TIAM1: variants seen among roughly 807,000 people sequenced by gnomAD.
TIAM1 encodes TIAM Rac1 associated GEF 1, also known as rho guanine nucleotide exchange factor TIAM1.
In TIAM1, 65 loss-of-function variants were observed where a neutral mutation model predicts 163.5. That is an observed-to-expected ratio of 0.40 (90% CI 0.33 to 0.49). The LOEUF (loss-of-function observed/expected upper bound fraction) is 0.49. Among genes scored for constraint, TIAM1 ranks in the 20% least tolerant of loss-of-function variants. TIAM1 has a pLI of 0.77. For synonymous variants in TIAM1, 833 were observed against 810.1 expected (o/e 1.03, Z -0.48); for missense variants, 1,789 against 2,044.7 (o/e 0.87, Z 2.41).
chr21:31,171,321 T>C (rs1009644766), intron 15 of TIAM1, among the ~76,000 whole-genome samples: 2 of 152,228 alleles, frequency 1.3e-5, no homozygotes, highest in African/African-American at 4.8e-5. Context: ...GAGAGAGAGA[T>C]TTCTTAAACA....
intron 1 of TIAM1, among the ~76,000 whole-genome samples, chr21:31,537,167 G>C (rs2048163468): frequency 6.6e-6 from 1 of 152,146 alleles, no homozygotes; most frequent in Non-Finnish European, 1.5e-5. Flanking sequence ...AATCCAGTAG[G>C]ACCCCTTCTT....
intron 13 of TIAM1, among the ~76,000 whole-genome samples, chr21:31,194,458 A>C (rs924821732): frequency 6.6e-6 from 1 of 152,228 alleles, no homozygotes. Context: ...CTCAAAATTT[A>C]TAGTTTTCGG....
At chr21:31,427,083 G>A (rs1261822687) in intron 2 of TIAM1, among the ~76,000 whole-genome samples, 1 of 152,032 alleles carries the variant, frequency 6.6e-6, no homozygotes, top group Non-Finnish European at 1.5e-5. Context: ...ACCATGCCTG[G>A]CTCATGTCTT....
chr21:31,459,698 C>A (rs2045251309), intron 2 of TIAM1, among the ~76,000 whole-genome samples: 1 of 152,212 alleles, frequency 6.6e-6, no homozygotes, highest in Non-Finnish European at 1.5e-5. Flanking sequence ...ATTTTACCAT[C>A]AGGGGGTGGT....
At chr21:31,147,055 A>G (rs1440972628) in intron 19 of TIAM1, 52 bp from the exon 20 acceptor site, 5 of 1,512,334 alleles carry the variant, frequency 3.3e-6, no homozygotes, top group South Asian at 2.3e-5. Flanking sequence ...TCCACTGGAA[A>G]TATCAGCAGG....
At chr21:31,226,373 C>T (rs909551675) in intron 6 of TIAM1, among the ~76,000 whole-genome samples, 7 of 152,290 alleles carry the variant, frequency 4.6e-5, no homozygotes, top group Admixed American at 1.3e-4. Flanking sequence ...ACAGCCCTGC[C>T]CCTCGTGAAC....
chr21:31,514,601 G>A (rs796732111), intron 1 of TIAM1, among the ~76,000 whole-genome samples: 1 of 152,120 alleles, frequency 6.6e-6, no homozygotes, highest in South Asian at 2.1e-4. Context: ...GCTGAGGCAC[G>A]AGAATCGCTT....
At chr21:31,299,014 C>T (rs1211175813) in intron 2 of TIAM1, among the ~76,000 whole-genome samples, 2 of 152,090 alleles carry the variant, frequency 1.3e-5, no homozygotes, top group Admixed American at 6.6e-5. Context: ...AACAACAATA[C>T]TTAGATTTGG....
chr21:31,136,054 G>C lies in TIAM1; in HGVS notation c.3775-13C>G. On this transcript the variant is annotated splice_polypyrimidine_tract_variant and intron_variant, in intron 22 of 27. Transcript: ENST00000541036. ...TCAGATCTGCAACCTGAAAGCCAGA[G>C]ACGTGACAAAGCTTACTGGGTGGTG... 1 of 1,609,330 alleles carries C rather than the reference G, an allele frequency of 6.2e-7. No individual in the cohort carries two copies. Among genetic ancestry groups the C allele is most frequent in the African/African-American group, 1.3e-5 (1 of 74,964 alleles).
intron 19 of TIAM1, among the ~76,000 whole-genome samples, chr21:31,149,942 T>G (rs572293463): frequency 6.6e-6 from 1 of 152,314 alleles, no homozygotes; most frequent in Non-Finnish European, 1.5e-5. Context: ...GCCTACAACT[T>G]TCTCTTAAAT....
At chr21:31,337,554 CAG>C (rs552235914) in intron 2 of TIAM1, among the ~76,000 whole-genome samples, 47 of 109,612 alleles carry the variant, frequency 4.3e-4, no homozygotes, top group African/African-American at 1.7e-3. Context: ...TATTTTGAGA[CAG>C]AGTCTTGCTC....
intron 15 of TIAM1, among the ~76,000 whole-genome samples, chr21:31,176,481 T>C (rs947091194): frequency 6.6e-6 from 1 of 151,594 alleles, no homozygotes; most frequent in African/African-American, 2.4e-5. Flanking sequence ...AACTCAGGGA[T>C]GGCAAACAGC....
At chr21:31,556,761 C>T (rs2048893655) in intron 1 of TIAM1, among the ~76,000 whole-genome samples, 1 of 152,200 alleles carries the variant, frequency 6.6e-6, no homozygotes, top group Non-Finnish European at 1.5e-5. Context: ...CCTGCTTAGT[C>T]AACAGCCTCT....
chr21:31,255,652 T>C (rs1301765977), intron 4 of TIAM1, among the ~76,000 whole-genome samples: 1 of 152,174 alleles, frequency 6.6e-6, no homozygotes, highest in Non-Finnish European at 1.5e-5. Flanking sequence ...TTGTAGCAAC[T>C]GCAAGGTAGG....
intron 14 of TIAM1, among the ~76,000 whole-genome samples, chr21:31,184,389 A>G (rs539303701): frequency 1.3e-5 from 2 of 151,600 alleles, no homozygotes; most frequent in South Asian, 4.1e-4. Flanking sequence ...TACAGGTGTG[A>G]GCCACCGTGC....
chr21:31,290,089 GT>G (rs1269681725), intron 2 of TIAM1, among the ~76,000 whole-genome samples: 1 of 152,108 alleles, frequency 6.6e-6, no homozygotes, highest in Non-Finnish European at 1.5e-5. Context: ...TATACTTGAA[GT>G]ACTGTTCAAA....
intron 6 of TIAM1, among the ~76,000 whole-genome samples, chr21:31,228,226 A>ATT (rs2088126353): frequency 3.1e-4 from 8 of 26,112 alleles, no homozygotes; most frequent in African/African-American, 1.5e-3. Flanking sequence ...TTTTTAAAAA[A>ATT]AAAAAAAAAA....
chr21:31,458,357 T>G (rs887673531), intron 2 of TIAM1, among the ~76,000 whole-genome samples: 2 of 151,604 alleles, frequency 1.3e-5, no homozygotes, highest in Non-Finnish European at 2.9e-5. Context: ...GAGACGGAGG[T>G]TGCAGTGAGC....
intron 2 of TIAM1, among the ~76,000 whole-genome samples, chr21:31,447,611 G>C (rs193046077): frequency 2.6e-5 from 4 of 152,120 alleles, no homozygotes; most frequent in African/African-American, 9.7e-5. Context: ...GAGATAAGAG[G>C]AGCAAAAGCA....
Sources: gnomAD v4.1 joint callset for allele counts (sites outside exome capture counted in the v4.1 genomes callset) on GRCh38, gnomAD v4.1.1 for gene constraint, MANE v1.5 for transcripts, NCBI Gene and HGNC (gene_info 2026-07-23, HGNC 2026-07-21) for gene names.